The following MECOM variants were observed in gnomAD, a reference collection of about 807,000 sequenced individuals.
MECOM encodes histone-lysine N-methyltransferase MECOM.
Under a neutral mutation model 116.3 loss-of-function variants are expected in MECOM, and 13 were observed. The ratio of observed to expected loss-of-function variants is 0.11; its 90% CI spans 0.07 to 0.18. The LOEUF (loss-of-function observed/expected upper bound fraction) is 0.18. Ranked by LOEUF, MECOM falls within the 10% of genes least tolerant of loss-of-function variation. The pLI is 1.00. For synonymous variants in MECOM, 528 were observed against 535.2 expected, an observed-to-expected ratio of 0.99 and a Z score of 0.19; for missense variants, 1,299 against 1,509.0, an observed-to-expected ratio of 0.86 and a Z score of 2.31.
chr3:169,426,394 A>G (rs940545487), intron 1 of MECOM, among the ~76,000 whole-genome samples: 1 of 152,108 alleles, frequency 6.6e-6, no homozygotes, highest in Non-Finnish European at 1.5e-5. Flanking sequence ...TTACAGCACA[A>G]CTTCAAGACG....
intron 1 of MECOM, among the ~76,000 whole-genome samples, chr3:169,492,963 A>G (rs1395786174): frequency 6.6e-6 from 1 of 152,218 alleles, no homozygotes; most frequent in Non-Finnish European, 1.5e-5. Flanking sequence ...CCATTTTAAA[A>G]AATAGTAATG....
chr3:169,160,331 T>C (rs1314245891), intron 2 of MECOM, among the ~76,000 whole-genome samples: 1 of 151,846 alleles, frequency 6.6e-6, no homozygotes, highest in Non-Finnish European at 1.5e-5. Flanking sequence ...AAAATAAGAA[T>C]CTTCAAAATT....
At chr3:169,175,920 G>C (rs111431024) in intron 2 of MECOM, among the ~76,000 whole-genome samples, 7 of 152,222 alleles carry the variant, frequency 4.6e-5, no homozygotes, top group African/African-American at 1.4e-4. Flanking sequence ...AATAAAAACT[G>C]AAGAAGAACC....
intron 2 of MECOM, among the ~76,000 whole-genome samples, chr3:169,202,648 T>C (rs531449339): frequency 6.6e-6 from 1 of 152,066 alleles, no homozygotes; most frequent in African/African-American, 2.4e-5. Context: ...ATAGTTATTA[T>C]TTCTATGGTA....
chr3:169,577,243 A>G (rs1188489767), intron 1 of MECOM, among the ~76,000 whole-genome samples: 4 of 152,260 alleles, frequency 2.6e-5, no homozygotes, highest in Non-Finnish European at 5.9e-5. Flanking sequence ...CCCAGCACAT[A>G]GTAAGTGCTT....
intron 1 of MECOM, among the ~76,000 whole-genome samples, chr3:169,498,212 A>G (rs190621294): frequency 6.6e-6 from 1 of 152,356 alleles, no homozygotes; most frequent in African/African-American, 2.4e-5. Context: ...AATAAAGAAG[A>G]TTTAGTAAAA....
intron 9 of MECOM, 25 bp from the exon 10 acceptor site, chr3:169,107,977 CA>C (rs1726012597): frequency 6.2e-7 from 1 of 1,606,918 alleles, no homozygotes; most frequent in African/African-American, 1.3e-5. Flanking sequence ...GAAACAAAAA[CA>C]AAAAATTACT....
chr3:169,621,444 T>C (rs931782211), intron 1 of MECOM, among the ~76,000 whole-genome samples: 1 of 152,160 alleles, frequency 6.6e-6, no homozygotes, highest in Non-Finnish European at 1.5e-5. Flanking sequence ...GATTTGATTG[T>C]TTATAAATGT....
chr3:169,604,825 A>C (rs1359225703), intron 1 of MECOM, among the ~76,000 whole-genome samples: 1 of 152,222 alleles, frequency 6.6e-6, no homozygotes. Context: ...AAAAGTGGGC[A>C]CATGACAACA....
At chr3:169,599,808 T>G (rs1248777586) in intron 1 of MECOM, among the ~76,000 whole-genome samples, 1 of 152,238 alleles carries the variant, frequency 6.6e-6, no homozygotes, top group Non-Finnish European at 1.5e-5. Context: ...AATTCCCTGA[T>G]CATTCAAAGA....
chr3:169,192,545 T>C (rs1577308777), intron 2 of MECOM, among the ~76,000 whole-genome samples: 1 of 152,136 alleles, frequency 6.6e-6, no homozygotes, highest in East Asian at 1.9e-4. Context: ...ATATGGACAT[T>C]ATGCATGGAC....
At chr3:169,339,903 A>C (rs1016208434) in intron 2 of MECOM, among the ~76,000 whole-genome samples, 1 of 152,124 alleles carries the variant, frequency 6.6e-6, no homozygotes, top group Non-Finnish European at 1.5e-5. Flanking sequence ...TGTGGGGGGA[A>C]GTGGGAGGGC....
chr3:169,134,069 GTC>G, intron 3 of MECOM: 2 of 599,040 alleles, frequency 3.3e-6, no homozygotes, highest in Non-Finnish European at 2.6e-6. Context: ...CAGTGCAATT[GTC>G]TCTATTGGGG....
intron 1 of MECOM, among the ~76,000 whole-genome samples, chr3:169,436,174 A>G (rs12491560): frequency 0.043 from 6,442 of 149,196 alleles, 437 homozygotes; most frequent in Admixed American, 0.19. Flanking sequence ...GAAATATCAC[A>G]TTGTGCTTAT....
intron 2 of MECOM, among the ~76,000 whole-genome samples, chr3:169,212,559 T>A (rs370868278): frequency 1.4e-5 from 2 of 147,056 alleles, no homozygotes; most frequent in African/African-American, 5.0e-5. Flanking sequence ...CACAGGCACA[T>A]CTGTAACAAT....
chr3:169,506,190 C>T (rs138610129), intron 1 of MECOM, among the ~76,000 whole-genome samples: 2 of 152,316 alleles, frequency 1.3e-5, no homozygotes, highest in East Asian at 3.9e-4. Context: ...ATCAACAAAG[C>T]AGAAAAATTT....
intron 2 of MECOM, among the ~76,000 whole-genome samples, chr3:169,361,867 T>C (rs557394868): frequency 6.6e-6 from 1 of 151,932 alleles, no homozygotes; most frequent in African/African-American, 2.4e-5. Context: ...AGAATGCAGT[T>C]CATACCTATA....
Position 169,093,063 on chromosome 3 carries a change from G to C in MECOM, c.3059C>G (p.Thr1020Arg). ...TSSPHSELES[T>R]GAILDDKEDA... The stretch of plus-strand genomic sequence containing the variant: ...TTCTTTGTCATCCAGAATCGCACCT[G>C]TACTTTCCAGTTCAGAATGAGGCGA... The change falls in exon 14 of 17, where the codon ACA becomes AGA. Residue 1020 changes from threonine (T) to arginine (R), a missense_variant. Thr to Arg is a moderately conservative substitution (Grantham distance 71, BLOSUM62 -1). Around this residue, in one of 6 missense-constraint regions of MECOM, gnomAD observed 273 missense variants for 289.3 expected, o/e 0.94. Transcript: ENST00000651503. 1.9e-6 allele frequency: 3 copies of C among 1,613,548 alleles called. No individual in the cohort carries two copies. Among genetic ancestry groups the C allele is most frequent in the Non-Finnish European group, 2.5e-6 (3 of 1,179,710 alleles).
At chr3:169,427,546 CT>C (rs1740931114) in intron 1 of MECOM, among the ~76,000 whole-genome samples, 1 of 152,156 alleles carries the variant, frequency 6.6e-6, no homozygotes, top group Non-Finnish European at 1.5e-5. Context: ...AGAAGATGAA[CT>C]TGTGTTGACC....
Sources: gnomAD v4.1 joint callset for allele counts (sites outside exome capture counted in the v4.1 genomes callset) on GRCh38, gnomAD v4.1.1 for gene constraint, gnomAD v4.1.1 regional missense constraint, MANE v1.5 for transcripts, NCBI Gene and HGNC (gene_info 2026-07-23, HGNC 2026-07-21) for gene names.